The following TAOK3 variants were observed in gnomAD, a reference collection of about 807,000 sequenced individuals.
TAOK3 encodes the protein serine/threonine-protein kinase TAO3.
In TAOK3, 40 loss-of-function variants were observed where a neutral mutation model predicts 120.4. The ratio of observed to expected loss-of-function variants is 0.33; its 90% CI spans 0.26 to 0.43. The LOEUF is 0.43. Ranked by LOEUF, TAOK3 falls within the 20% of genes least tolerant of loss-of-function variation. The pLI is 1.00. For synonymous variants in TAOK3, 355 were observed against 387.5 expected (o/e 0.92, Z 0.99); for missense variants, 821 against 1,112.1 (o/e 0.74, Z 3.72).
chr12:118,342,029 C>CA (rs1368067927), intron 1 of TAOK3, among the ~76,000 whole-genome samples: 1 of 151,890 alleles, frequency 6.6e-6, no homozygotes, highest in Non-Finnish European at 1.5e-5. Context: ...TCTCAAAAAA[C>CA]AAAAAACAAA....
chr12:118,162,330 T>G (rs1464862569), intron 17 of TAOK3, among the ~76,000 whole-genome samples: 2 of 152,152 alleles, frequency 1.3e-5, no homozygotes, highest in Non-Finnish European at 2.9e-5. Flanking sequence ...GAACCTTAGT[T>G]AGGTGATGTG....
chr12:118,308,986 A>C (rs2140824933), intron 1 of TAOK3, among the ~76,000 whole-genome samples: 1 of 147,534 alleles, frequency 6.8e-6, no homozygotes, highest in South Asian at 2.2e-4. Context: ...TTAATTGAGC[A>C]CTCAAATTTA....
chr12:118,165,696 T>C (rs1291503512), intron 17 of TAOK3, among the ~76,000 whole-genome samples: 14 of 152,206 alleles, frequency 9.2e-5, no homozygotes, highest in Admixed American at 7.9e-4. Context: ...AAAATGAGGA[T>C]AGCAGTACAC....
At chr12:118,238,785 C>A (rs1312081154) in intron 6 of TAOK3, among the ~76,000 whole-genome samples, 1 of 152,010 alleles carries the variant, frequency 6.6e-6, no homozygotes, top group Non-Finnish European at 1.5e-5. Flanking sequence ...TAGGTGTTAG[C>A]CTCTGTGCCT....
intron 1 of TAOK3, among the ~76,000 whole-genome samples, chr12:118,330,621 GAA>G (rs1465230789): frequency 4.0e-5 from 6 of 151,140 alleles, no homozygotes; most frequent in Non-Finnish European, 8.8e-5. Flanking sequence ...GGTTACAAAA[GAA>G]GATAGCTGCT....
chr12:118,186,595 A>G (rs2037091900), intron 14 of TAOK3, among the ~76,000 whole-genome samples: 1 of 152,180 alleles, frequency 6.6e-6, no homozygotes, highest in Non-Finnish European at 1.5e-5. Flanking sequence ...ACTTTTTTCC[A>G]GATAACACAT....
chr12:118,238,173 AG>A lies in TAOK3; in HGVS notation c.341-5del, dbSNP rs1280158786. The stretch of plus-strand genomic sequence containing the variant: ...TCCTGAAGTGGTTTTTTATGAACTG[AG>A]GAAGGAAAAAAAAAAAAGTCAGTAG... On this transcript the variant is annotated splice_region_variant and splice_polypyrimidine_tract_variant and intron_variant, in intron 6 of 20. Transcript: ENST00000392533. 1.3e-6 allele frequency: 2 copies of A among 1,587,374 alleles called. No individual in the cohort carries two copies. Among genetic ancestry groups the A allele is most frequent in the Admixed American group, 3.5e-5 (2 of 57,836 alleles).
chr12:118,213,178 G>C (rs1204685828), intron 10 of TAOK3, among the ~76,000 whole-genome samples, 183 bp from the exon 11 acceptor site: 2 of 152,184 alleles, frequency 1.3e-5, no homozygotes, highest in Non-Finnish European at 2.9e-5. Context: ...TGGATAATGA[G>C]TGAGGACAAG....
intron 1 of TAOK3, among the ~76,000 whole-genome samples, chr12:118,319,268 T>C (rs1357038412): frequency 6.6e-6 from 1 of 152,000 alleles, no homozygotes; most frequent in East Asian, 1.9e-4. Flanking sequence ...CCCTCAACAA[T>C]AAAATGACAC....
At chr12:118,244,791 GTGCTGGGA>G in intron 4 of TAOK3, 95 bp downstream of exon 4, 1 of 785,422 alleles carries the variant, frequency 1.3e-6, no homozygotes, top group Non-Finnish European at 2.2e-6. Flanking sequence ...GCCTCGCAAA[GTGCTGGGA>G]TTACAGGCGT....
intron 17 of TAOK3, among the ~76,000 whole-genome samples, chr12:118,167,814 A>G (rs565993660): frequency 1.3e-5 from 2 of 152,288 alleles, no homozygotes; most frequent in African/African-American, 4.8e-5. Context: ...TACAAAGACA[A>G]AAAGTGGTTG....
intron 1 of TAOK3, among the ~76,000 whole-genome samples, chr12:118,347,267 C>T (rs61388284): frequency 0.032 from 4,817 of 152,260 alleles, 189 homozygotes; most frequent in African/African-American, 0.075. Context: ...TCTACTTAGG[C>T]CTCCCCAAGT....
chr12:118,204,172 C>T (rs566282569), intron 11 of TAOK3, among the ~76,000 whole-genome samples: 2 of 150,182 alleles, frequency 1.3e-5, no homozygotes, highest in Non-Finnish European at 2.9e-5. Flanking sequence ...GAGGCTGAGG[C>T]AGGAGAATGG....
At chr12:118,203,921 AGCCCCTTTTATGCCTCAAGAG>A in intron 11 of TAOK3, among the ~76,000 whole-genome samples, 1 of 152,328 alleles carries the variant, frequency 6.6e-6, no homozygotes, top group African/African-American at 2.4e-5. Flanking sequence ...CCCCTTATAT[AGCCCCTTTTATGCCTCAAGAG>A]TTCACGAAAC....
intron 9 of TAOK3, among the ~76,000 whole-genome samples, chr12:118,217,091 G>A (rs958791669): frequency 1.3e-5 from 2 of 151,902 alleles, no homozygotes; most frequent in Non-Finnish European, 2.9e-5. Context: ...TTAAGTAAAG[G>A]CTCTTCTTCT....
At chr12:118,154,259 A>G (rs2034651727) in intron 19 of TAOK3, among the ~76,000 whole-genome samples, 1 of 152,178 alleles carries the variant, frequency 6.6e-6, no homozygotes, top group African/African-American at 2.4e-5. Context: ...AAACATCTAA[A>G]TATCTTTAAA....
In TAOK3 at chr12:118,161,749, C is replaced by A; in HGVS notation, c.2139+39G>T. ...TCTGACACTTCAGGTAGAGAAACCA[C>A]TGATCTGGTCCAACACTGTCCAGCA... is the stretch of plus-strand genomic sequence containing the variant. On this transcript the variant is annotated intron_variant, in intron 18 of 20. Transcript: ENST00000392533. The surrounding 1 kb of genome is among the most constrained non-coding windows in gnomAD (Gnocchi z 4.5). 1 of 1,606,204 alleles carries A rather than the reference C, an allele frequency of 6.2e-7. No homozygotes were observed. Among genetic ancestry groups the A allele is most frequent in the East Asian group, 2.2e-5 (1 of 44,724 alleles).
intron 1 of TAOK3, among the ~76,000 whole-genome samples, chr12:118,321,093 A>G (rs2043684318): frequency 6.6e-6 from 1 of 152,190 alleles, no homozygotes; most frequent in South Asian, 2.1e-4. Context: ...CTAGAAGAAT[A>G]TGCCCAAACT....
At chr12:118,159,978 C>T (rs1252286135) in intron 19 of TAOK3, 168 bp downstream of exon 19, 4 of 631,834 alleles carry the variant, frequency 6.3e-6, no homozygotes, top group African/African-American at 3.7e-5. Flanking sequence ...AGCAAGTATC[C>T]ACATTGGCTT....
Sources: gnomAD v4.1 joint callset for allele counts (sites outside exome capture counted in the v4.1 genomes callset) on GRCh38, gnomAD v4.1.1 for gene constraint, Gnocchi (gnomAD v3.1) non-coding constraint, MANE v1.5 for transcripts, NCBI Gene and HGNC (gene_info 2026-07-23, HGNC 2026-07-21) for gene names.